PRKCA: variants seen among roughly 807,000 people sequenced by gnomAD.
The protein encoded by PRKCA is protein kinase C alpha.
Under a neutral mutation model 87.0 loss-of-function variants are expected in PRKCA, and 27 were observed. That is an observed-to-expected ratio of 0.31 (90% CI 0.23 to 0.43). PRKCA has a LOEUF of 0.43. PRKCA is among the 20% of genes least tolerant of loss of function. The pLI, the probability that PRKCA is intolerant of heterozygous loss-of-function variation, is 1.00. For synonymous variants in PRKCA, 329 were observed against 311.1 expected, an observed-to-expected ratio of 1.06 and a Z score of -0.61; for missense variants, 518 against 852.3, an observed-to-expected ratio of 0.61 and a Z score of 4.88.
At chr17:66,547,870 T>C (rs1968195762) in intron 3 of PRKCA, among the ~76,000 whole-genome samples, 3 of 152,324 alleles carry the variant, frequency 2.0e-5, no homozygotes, top group Non-Finnish European at 2.9e-5. Flanking sequence ...TTAAAGCACT[T>C]ACCATGAGAA....
intron 2 of PRKCA, among the ~76,000 whole-genome samples, chr17:66,404,771 A>ATTTTTTTT (rs1445620775): frequency 1.9e-3 from 18 of 9,528 alleles, no homozygotes; most frequent in Non-Finnish European, 3.5e-3. Context: ...TTTTTTTTTG[A>ATTTTTTTT]GACAGCGTTT....
intron 2 of PRKCA, among the ~76,000 whole-genome samples, chr17:66,387,874 C>G (rs893770459): frequency 3.9e-5 from 6 of 152,190 alleles, no homozygotes; most frequent in African/African-American, 1.2e-4. Context: ...AGATTCCTAC[C>G]CACCTCACCT....
intron 2 of PRKCA, among the ~76,000 whole-genome samples, chr17:66,336,476 A>G (rs1212304344): frequency 1.3e-5 from 2 of 152,180 alleles, no homozygotes; most frequent in African/African-American, 4.8e-5. Flanking sequence ...GGAAGAAGGA[A>G]TGTTTCCAGA....
intron 3 of PRKCA, among the ~76,000 whole-genome samples, chr17:66,620,481 G>A (rs1043618067): frequency 4.6e-5 from 7 of 152,174 alleles, no homozygotes; most frequent in Admixed American, 2.0e-4. Context: ...GATCTGACTG[G>A]CCAGAGCTAT....
At chr17:66,714,526 C>T (rs996503416) in intron 8 of PRKCA, among the ~76,000 whole-genome samples, 3 of 152,130 alleles carry the variant, frequency 2.0e-5, no homozygotes, top group Non-Finnish European at 4.4e-5. Flanking sequence ...TGTTCCACCC[C>T]CTCGTCTCTT....
At position 66,302,998 on chromosome 17, in the gene PRKCA, C is replaced by T. The variant is rs1381583636; in HGVS notation, c.147C>T (p.Phe49=). ...FIARFFKQPT[F]CSHCTDFIWG... ...CGCGCTTCTTCAAGCAGCCCACCTT[C>T]TGCAGCCACTGCACCGACTTCATCT... is the stretch of plus-strand genomic sequence containing the variant. Residue 49 remains phenylalanine (F), a synonymous_variant, in exon 1 of 17, where the codon TTC becomes TTT. Coordinates refer to ENST00000413366, the MANE Select transcript of PRKCA (RefSeq NM_002737.3). The T allele has an allele frequency of 1.9e-6, 3 of 1,611,144 alleles. No individual in the cohort carries two copies. The South Asian group carries it at 3.3e-5, about 18-fold the overall frequency.
At chr17:66,739,627 C>T (rs1168745706) in intron 11 of PRKCA, among the ~76,000 whole-genome samples, 1 of 152,172 alleles carries the variant, frequency 6.6e-6, no homozygotes, top group Admixed American at 6.5e-5. Flanking sequence ...GAGGGAAGTG[C>T]AACCCCACGA....
At chr17:66,759,500 C>T (rs531838462) in intron 13 of PRKCA, among the ~76,000 whole-genome samples, 8 of 149,040 alleles carry the variant, frequency 5.4e-5, no homozygotes, top group African/African-American at 5.0e-5. Flanking sequence ...CAGCTAAACC[C>T]GCAAGAGGCA....
chr17:66,417,254 A>G (rs1336657359), intron 2 of PRKCA, among the ~76,000 whole-genome samples: 1 of 151,822 alleles, frequency 6.6e-6, no homozygotes, highest in East Asian at 1.9e-4. Context: ...TATTAAATCC[A>G]TAGCATAGTT....
chr17:66,674,471 G>A (rs1163534804), intron 5 of PRKCA, among the ~76,000 whole-genome samples: 1 of 152,156 alleles, frequency 6.6e-6, no homozygotes, highest in Non-Finnish European at 1.5e-5. Flanking sequence ...GTTCTTTTGG[G>A]TTATATAAAT....
chr17:66,512,203 A>C (rs929383062), intron 3 of PRKCA, among the ~76,000 whole-genome samples: 3 of 152,132 alleles, frequency 2.0e-5, no homozygotes, highest in African/African-American at 7.2e-5. Context: ...TGAACCCTTC[A>C]GTGCCCTCCT....
chr17:66,346,290 G>C (rs949558487), intron 2 of PRKCA, among the ~76,000 whole-genome samples: 8 of 151,656 alleles, frequency 5.3e-5, no homozygotes, highest in Admixed American at 5.3e-4. Context: ...GTAGAGACAG[G>C]GTTTCACCGT....
intron 2 of PRKCA, among the ~76,000 whole-genome samples, chr17:66,341,617 A>G (rs1239162786): frequency 6.6e-6 from 1 of 152,230 alleles, no homozygotes; most frequent in African/African-American, 2.4e-5. Context: ...GGAGTACTCA[A>G]AGAAAGAAAG....
At chr17:66,440,230 A>G (rs1241225487) in intron 2 of PRKCA, among the ~76,000 whole-genome samples, 1 of 152,244 alleles carries the variant, frequency 6.6e-6, no homozygotes, top group East Asian at 1.9e-4. Context: ...AAATAGCCCA[A>G]AATGAGTCCA....
intron 2 of PRKCA, among the ~76,000 whole-genome samples, chr17:66,341,153 G>A (rs1401790100): frequency 6.6e-6 from 1 of 151,982 alleles, no homozygotes; most frequent in Non-Finnish European, 1.5e-5. Flanking sequence ...TCTGATGGTC[G>A]CAGACTTCCG....
intron 2 of PRKCA, among the ~76,000 whole-genome samples, chr17:66,447,393 T>C (rs1452298191): frequency 6.6e-6 from 1 of 152,158 alleles, no homozygotes; most frequent in Non-Finnish European, 1.5e-5. Context: ...AGTCCTCTTG[T>C]GCAGCTGACA....
chr17:66,406,773 A>T, intron 2 of PRKCA, among the ~76,000 whole-genome samples: 1 of 152,064 alleles, frequency 6.6e-6, no homozygotes, highest in East Asian at 1.9e-4. Flanking sequence ...ATCTACTTTC[A>T]TTCTTTTCCA....
At chr17:66,775,552 G>A (rs535186222) in intron 14 of PRKCA, 2 of 985,342 alleles carry the variant, frequency 2.0e-6, no homozygotes, top group East Asian at 2.3e-4. Context: ...ATTCTGCCGT[G>A]GGCAGCTTTT....
At chr17:66,798,388 G>A (rs1312740009) in intron 16 of PRKCA, among the ~76,000 whole-genome samples, 37 of 118,796 alleles carry the variant, frequency 3.1e-4, no homozygotes, top group Non-Finnish European at 5.7e-4. Context: ...CGGTGGTGGT[G>A]GTGGTGGTGG....
Sources: gnomAD v4.1 joint callset for allele counts (sites outside exome capture counted in the v4.1 genomes callset) on GRCh38, gnomAD v4.1.1 for gene constraint, MANE v1.5 for transcripts, NCBI Gene and HGNC (gene_info 2026-07-23, HGNC 2026-07-21) for gene names.